KIAA1755: variants seen among roughly 807,000 people sequenced by gnomAD.
KIAA1755 encodes the protein KIAA1755.
Under a neutral mutation model 91.7 loss-of-function variants are expected in KIAA1755, and 68 were observed. The observed-to-expected ratio is 0.74, with a 90% CI of 0.61 to 0.91. The LOEUF is 0.91. Ranked by LOEUF, KIAA1755 falls within the 40% of genes least tolerant of loss-of-function variation. The pLI is 0.00. For synonymous variants in KIAA1755, 610 were observed against 604.6 expected (o/e 1.01, Z -0.13); for missense variants, 1,535 against 1,494.4 (o/e 1.03, Z -0.45).
intron 1 of KIAA1755, among the ~76,000 whole-genome samples, chr20:38,258,084 A>G (rs1184353058): frequency 1.3e-5 from 2 of 152,000 alleles, no homozygotes; most frequent in Non-Finnish European, 2.9e-5. Context: ...TGTTTTCAGT[A>G]GAGACGGGGT....
intron 2 of KIAA1755, among the ~76,000 whole-genome samples, chr20:38,242,484 T>C (rs1348738001): frequency 6.6e-6 from 1 of 152,234 alleles, no homozygotes; most frequent in Non-Finnish European, 1.5e-5. Flanking sequence ...AAATCCATCA[T>C]AAATTGAAAC....
chr20:38,247,164 G>A (rs978851923), intron 1 of KIAA1755, among the ~76,000 whole-genome samples: 1 of 152,164 alleles, frequency 6.6e-6, no homozygotes, highest in Non-Finnish European at 1.5e-5. Flanking sequence ...GGACCCCAGA[G>A]CGACCTTTCT....
intron 1 of KIAA1755, among the ~76,000 whole-genome samples, chr20:38,252,419 C>T (rs959988462): frequency 3.3e-5 from 5 of 152,112 alleles, no homozygotes; most frequent in Non-Finnish European, 5.9e-5. Flanking sequence ...TTGCTTAGCC[C>T]ACACAACGAT....
At chr20:38,251,112 A>G (rs957015311) in intron 1 of KIAA1755, among the ~76,000 whole-genome samples, 5 of 152,098 alleles carry the variant, frequency 3.3e-5, no homozygotes, top group Admixed American at 1.3e-4. Context: ...TTTCTGTGAA[A>G]ATAAACTACT....
rs568670103 is a variant in KIAA1755 at position 38,252,255 on chromosome 20, A to C, written c.4-6129T>G. 8.7e-4 allele frequency among the ~76,000 whole-genome samples: 132 copies of C among 152,020 alleles called. 1 individual carries two copies. The highest frequency in any genetic ancestry group is 1.2e-3 in the Non-Finnish European group (82 of 67,988). The stretch of plus-strand genomic sequence containing the variant: ...CTGTTATTGCTATTCATTCTTACTT[A>C]TTTTCACTCATCCTGTCAGCCCAAG... On this transcript the variant is annotated intron_variant, in intron 1 of 13. Coordinates refer to ENST00000279024, the MANE Select transcript of KIAA1755 (RefSeq NM_001029864.2).
chr20:38,240,837 CT>C lies in KIAA1755; in HGVS notation c.1293del (p.Ala432LeufsTer8). The C allele has an allele frequency of 6.2e-7, 1 of 1,614,162 alleles. No individual in the cohort carries two copies. The highest frequency in any genetic ancestry group is 2.2e-5 in the East Asian group (1 of 44,872). ...TCTATCTTTGTTTCAGAGGCTGCAG[CT>C]GCAGGAGAAGCTGGGGACAGGCGGG... ...SSPRLSPASP[A>X]AAASETKIEV... is the part of the protein sequence containing the mutation. On this transcript the variant is annotated frameshift_variant, in exon 3 of 14. Coordinates refer to ENST00000279024, the MANE Select transcript of KIAA1755 (RefSeq NM_001029864.2). LOFTEE classifies it high-confidence loss of function.
chr20:38,246,575 G>A (rs1178635397), intron 1 of KIAA1755, among the ~76,000 whole-genome samples: 1 of 152,222 alleles, frequency 6.6e-6, no homozygotes, highest in Non-Finnish European at 1.5e-5. Flanking sequence ...GGGAAGCCCA[G>A]CCCAGACCAG....
chr20:38,248,862 T>TTTTG lies in KIAA1755; in HGVS notation c.4-2740_4-2737dup, dbSNP rs145931901. Among the ~76,000 whole-genome samples, 520 of 149,032 alleles carry TTTTG rather than the reference T, an allele frequency of 3.5e-3. 4 individuals carry two copies. Among genetic ancestry groups the TTTTG allele is most frequent in the African/African-American group, 0.011 (428 of 40,210 alleles). On this transcript the variant is annotated intron_variant, in intron 1 of 13. Coordinates refer to ENST00000279024, the MANE Select transcript of KIAA1755 (RefSeq NM_001029864.2). ...AGGGATGAGCCACCGTGCTTGGCCT[T>TTTTG]TTTGTTTGTTTGTTTGTTTGTTTGT...
chr20:38,252,252 C>T (rs1472600814), intron 1 of KIAA1755, among the ~76,000 whole-genome samples: 6 of 152,194 alleles, frequency 3.9e-5, no homozygotes, highest in African/African-American at 1.4e-4. Context: ...TTCATTCTTA[C>T]TTATTTTCAC....
chr20:38,218,543 G>A (rs1305137996), intron 11 of KIAA1755, among the ~76,000 whole-genome samples, 177 bp from the exon 12 acceptor site: 2 of 152,232 alleles, frequency 1.3e-5, no homozygotes, highest in Non-Finnish European at 2.9e-5. Flanking sequence ...AAATGACTTG[G>A]GGAGGGGGAG....
chr20:38,253,628 A>G (rs1301698893), intron 1 of KIAA1755, among the ~76,000 whole-genome samples: 1 of 152,238 alleles, frequency 6.6e-6, no homozygotes, highest in Non-Finnish European at 1.5e-5. Context: ...AAAAACTCCA[A>G]GTGGACATTA....
intron 1 of KIAA1755, among the ~76,000 whole-genome samples, chr20:38,250,840 C>T (rs1051100108): frequency 3.3e-5 from 5 of 151,748 alleles, no homozygotes; most frequent in African/African-American, 9.7e-5. Context: ...TATGTGGGGG[C>T]GGCCATGTTA....
intron 11 of KIAA1755, among the ~76,000 whole-genome samples, chr20:38,219,109 T>C (rs921581691): frequency 2.6e-5 from 4 of 152,162 alleles, no homozygotes; most frequent in Admixed American, 1.3e-4. Context: ...CACGAGTAAG[T>C]GCTGGAGCCA....
chr20:38,222,392 A>C, intron 10 of KIAA1755, 57 bp downstream of exon 10: 1 of 1,572,016 alleles, frequency 6.4e-7, no homozygotes, highest in East Asian at 2.2e-5. Flanking sequence ...TCCCAGCTCC[A>C]AGCTCCTGGG....
intron 1 of KIAA1755, among the ~76,000 whole-genome samples, chr20:38,257,679 C>A (rs1336536505): frequency 1.3e-5 from 2 of 151,720 alleles, no homozygotes; most frequent in Non-Finnish European, 2.9e-5. Context: ...GAAATCACAG[C>A]GAGAAAGTTA....
Position 38,223,552 on chromosome 20 carries a change from G to C in KIAA1755, c.2254C>G (p.Pro752Ala). ...SIEEFEKADPPGGMQEATRCL... is the reference protein window; with the variant it reads ...SIEEFEKADPAGGMQEATRCL... ...TCCAGGCTCACCTGCATCCCCCCAG[G>C]GGGGTCGGCCTTCTCGAATTCCTCG... The change falls in exon 9 of 14, where the codon CCT becomes GCT. Residue 752 changes from proline (P) to alanine (A), a missense_variant. By Grantham distance (27) the Pro-to-Ala change is conservative. Coordinates refer to ENST00000279024, the MANE Select transcript of KIAA1755 (RefSeq NM_001029864.2). The C allele has an allele frequency of 1.9e-6, 3 of 1,596,338 alleles. No homozygotes were observed. The highest frequency in any genetic ancestry group is 2.6e-6 in the Non-Finnish European group (3 of 1,172,960).
In KIAA1755 at chr20:38,241,135, C is replaced by A; in HGVS notation, c.996G>T (p.Leu332Phe). 1 of 1,614,098 alleles carries A rather than the reference C, an allele frequency of 6.2e-7. No homozygotes were observed. The highest frequency in any genetic ancestry group is 8.5e-7 in the Non-Finnish European group (1 of 1,179,996). The change falls in exon 3 of 14, where the codon TTG becomes TTT. Residue 332 changes from leucine (L) to phenylalanine (F), a missense_variant. By Grantham distance (22) the Leu-to-Phe change is conservative. Transcript: ENST00000279024. ...CTGGCTTTGTGCAAGCCCGATTTCC[C>A]AAGGAAGGTCCTTCATTGGCCTCTG... ...PLSEANEGPS[L>F]GNRACTKPES...
At chr20:38,214,927 A>G (rs1301357917) in intron 13 of KIAA1755, among the ~76,000 whole-genome samples, 6 of 152,258 alleles carry the variant, frequency 3.9e-5, no homozygotes, top group African/African-American at 1.4e-4. Context: ...GATTAAGGGA[A>G]CTTGACTTTA....
intron 4 of KIAA1755, among the ~76,000 whole-genome samples, chr20:38,232,278 A>G (rs2075879690): frequency 1.3e-5 from 2 of 152,114 alleles, no homozygotes; most frequent in Admixed American, 1.3e-4. Context: ...GGGTCCAACC[A>G]CCTGGAACAT....
Sources: allele counts gnomAD v4.1 joint callset (sites outside exome capture counted in the v4.1 genomes callset), GRCh38; gene constraint gnomAD v4.1.1; transcripts MANE v1.5; gene names NCBI Gene and HGNC (gene_info 2026-07-23, HGNC 2026-07-21).